Variants in JPH3 observed in about 807,000 individuals in gnomAD.
The protein encoded by JPH3 is junctophilin 3.
In JPH3, 11 loss-of-function variants were observed where a neutral mutation model predicts 59.6. That is an observed-to-expected ratio of 0.18 (90% confidence interval 0.12 to 0.31). The LOEUF is 0.31. Among genes scored for constraint, JPH3 ranks in the 10% least tolerant of loss-of-function variants. The pLI is 1.00. For synonymous variants in JPH3, 673 were observed against 483.6 expected, an observed-to-expected ratio of 1.39 and a Z score of -5.14; for missense variants, 1,202 against 1,105.7, an observed-to-expected ratio of 1.09 and a Z score of -1.24.
rs533628957 is a variant in JPH3, at chr16:87,647,686, C to G, written c.1160+2651C>G. On this transcript the variant is annotated intron_variant, in intron 2 of 4. Coordinates refer to ENST00000284262, the MANE Select transcript of JPH3 (RefSeq NM_020655.4). ...TGGCTCACCCGCCATGTCCTGCTGT[C>G]CACACACACGGCTCTGCACACCACT... Among the ~76,000 whole-genome samples the G allele has an allele frequency of 6.0e-4, 91 of 152,226 alleles. 2 individuals carry two copies. The South Asian group carries it at 0.017, about 28-fold the overall frequency.
chr16:87,631,859 A>G (rs1461752353), intron 1 of JPH3, among the ~76,000 whole-genome samples: 1 of 151,990 alleles, frequency 6.6e-6, no homozygotes, highest in African/African-American at 2.4e-5. Flanking sequence ...TAATTTCCAG[A>G]AGCTCTTTAT....
chr16:87,684,439 G>T, intron 3 of JPH3, 173 bp downstream of exon 3: 2 of 1,005,018 alleles, frequency 2.0e-6, no homozygotes, highest in Non-Finnish European at 2.9e-6. Context: ...TTGTGCCAAG[G>T]CCTGGCCTGG....
chr16:87,648,375 G>A (rs1299592096), intron 2 of JPH3, among the ~76,000 whole-genome samples: 1 of 152,232 alleles, frequency 6.6e-6, no homozygotes, highest in African/African-American at 2.4e-5. Flanking sequence ...CACCACGTGG[G>A]CTGAGGAGTG....
chr16:87,654,910 C>T (rs1047006671), intron 2 of JPH3: 3 of 152,304 alleles, frequency 2.0e-5, no homozygotes, highest in African/African-American at 7.2e-5. Context: ...ACCTGGTGGC[C>T]TTCGACAAGA....
chr16:87,639,390 TC>T (rs1318315676), intron 1 of JPH3, among the ~76,000 whole-genome samples: 3 of 152,114 alleles, frequency 2.0e-5, no homozygotes, highest in African/African-American at 7.2e-5. Context: ...TGCATGAAGC[TC>T]CTGGTGGGCA....
chr16:87,678,615 G>T (rs778389006), intron 2 of JPH3, among the ~76,000 whole-genome samples: 1 of 152,166 alleles, frequency 6.6e-6, no homozygotes, highest in Non-Finnish European at 1.5e-5. Context: ...GTAGTGGGCT[G>T]AATGGTGTCC....
At chr16:87,625,787 C>T (rs2031352756) in intron 1 of JPH3, among the ~76,000 whole-genome samples, 2 of 152,208 alleles carry the variant, frequency 1.3e-5, no homozygotes, top group South Asian at 2.1e-4. Context: ...TACTGCGAGC[C>T]GTGGGGTGGG....
intron 1 of JPH3, among the ~76,000 whole-genome samples, chr16:87,607,852 C>G (rs1229929416): frequency 1.3e-5 from 2 of 152,252 alleles, no homozygotes; most frequent in African/African-American, 4.8e-5. Flanking sequence ...AAGCCCTGAG[C>G]AGTTGGAGAC....
chr16:87,674,220 G>T (rs1180631710), intron 2 of JPH3, among the ~76,000 whole-genome samples: 1 of 152,166 alleles, frequency 6.6e-6, no homozygotes, highest in African/African-American at 2.4e-5. Context: ...TGTAGTCCCA[G>T]CTACTCGGGA....
intron 1 of JPH3, among the ~76,000 whole-genome samples, chr16:87,621,044 A>C (rs1208934472): frequency 1.3e-5 from 2 of 152,222 alleles, no homozygotes; most frequent in African/African-American, 4.8e-5. Flanking sequence ...CTGTAGTCCC[A>C]GCTACTCAGG....
rs2031985200 is a variant in JPH3 at position 87,642,428 on chromosome 16, CAGAAG to C, written c.383-1826_383-1822del. On this transcript the variant is annotated intron_variant, in intron 1 of 4. Coordinates refer to ENST00000284262, the MANE Select transcript of JPH3 (RefSeq NM_020655.4). ...GGCCAGGTCCTCATTTTTCAGGAGA[CAGAAG>C]AGAGCTGAATTTTTATGTCAAATCT... 2.0e-5 allele frequency among the ~76,000 whole-genome samples: 3 copies of C among 152,324 alleles called. No homozygotes were observed. The South Asian group carries it at 6.2e-4, about 32-fold the overall frequency.
At chr16:87,628,077 C>G (rs545120864) in intron 1 of JPH3, among the ~76,000 whole-genome samples, 1 of 152,350 alleles carries the variant, frequency 6.6e-6, no homozygotes, top group South Asian at 2.1e-4. Context: ...CTCCCCTGTT[C>G]ACGCCCCACA....
chr16:87,658,959 A>G (rs2032603172), intron 2 of JPH3, among the ~76,000 whole-genome samples: 1 of 152,236 alleles, frequency 6.6e-6, no homozygotes, highest in Admixed American at 6.5e-5. Flanking sequence ...CAGCTGAATA[A>G]GGGTGCAATT....
intron 1 of JPH3, among the ~76,000 whole-genome samples, chr16:87,643,273 C>T (rs757884552): frequency 3.3e-5 from 5 of 152,196 alleles, no homozygotes; most frequent in South Asian, 2.1e-4. Flanking sequence ...GACCGCATGG[C>T]GTCTGTCCAT....
At chr16:87,645,174 C>T (rs951569115) in intron 2 of JPH3, 139 bp downstream of exon 2, 2 of 864,248 alleles carry the variant, frequency 2.3e-6, no homozygotes, top group South Asian at 1.8e-5. Context: ...CAAACTATGC[C>T]CCCATGGAAC....
At chr16:87,661,818 G>A (rs182939233) in intron 2 of JPH3, among the ~76,000 whole-genome samples, 8 of 152,330 alleles carry the variant, frequency 5.3e-5, no homozygotes, top group Admixed American at 6.5e-5. Context: ...CACTGCCTCT[G>A]GGTGCAACTC....
At chr16:87,630,605 C>T (rs1462787864) in intron 1 of JPH3, among the ~76,000 whole-genome samples, 2 of 152,124 alleles carry the variant, frequency 1.3e-5, no homozygotes, top group African/African-American at 2.4e-5. Flanking sequence ...CGCATCTTTC[C>T]TTCCCCTCCT....
At chr16:87,660,489 C>T (rs886603467) in intron 2 of JPH3, among the ~76,000 whole-genome samples, 3 of 152,214 alleles carry the variant, frequency 2.0e-5, no homozygotes, top group Non-Finnish European at 4.4e-5. Context: ...TGCCCACCCC[C>T]ACCAGAGGCC....
intron 2 of JPH3, among the ~76,000 whole-genome samples, chr16:87,675,609 C>G (rs925497743): frequency 1.3e-5 from 2 of 152,198 alleles, no homozygotes; most frequent in Non-Finnish European, 2.9e-5. Context: ...TTCCACACTC[C>G]CCCTCTGGCT....
Sources: allele counts gnomAD v4.1 joint callset (sites outside exome capture counted in the v4.1 genomes callset), GRCh38; gene constraint gnomAD v4.1.1; transcripts MANE v1.5; gene names NCBI Gene and HGNC (gene_info 2026-07-23, HGNC 2026-07-21).